TPD52: variants seen among roughly 807,000 people sequenced by gnomAD.
TPD52 encodes the protein prostate and colon associated protein.
TPD52 carries 17 observed loss-of-function variants against 31.3 expected under a neutral mutation model. That is an observed-to-expected ratio of 0.54 (90% CI 0.37 to 0.82). The LOEUF (loss-of-function observed/expected upper bound fraction) is 0.82. Among genes scored for constraint, TPD52 ranks in the 40% least tolerant of loss-of-function variants. The pLI is 0.00. For missense variants in TPD52, 212 were observed against 240.1 expected (o/e 0.88, Z 0.77); for synonymous variants, 83 against 89.6 (o/e 0.93, Z 0.42).
chr8:80,151,103 G>A (rs985959968), intron 1 of TPD52, among the ~76,000 whole-genome samples: 1 of 152,176 alleles, frequency 6.6e-6, no homozygotes, highest in Non-Finnish European at 1.5e-5. Flanking sequence ...TGCTGTTCTT[G>A]TGATGGTGAA....
intron 2 of TPD52, among the ~76,000 whole-genome samples, chr8:80,060,613 A>G (rs1334218709): frequency 6.6e-6 from 1 of 152,216 alleles, no homozygotes; most frequent in Non-Finnish European, 1.5e-5. Context: ...AAAGGATTAT[A>G]AAACATGACC....
At chr8:80,063,384 G>A (rs1021995270) in intron 2 of TPD52, among the ~76,000 whole-genome samples, 1 of 152,218 alleles carries the variant, frequency 6.6e-6, no homozygotes, top group Non-Finnish European at 1.5e-5. Flanking sequence ...GGTATTGCCA[G>A]GGGCTGAAGG....
At chr8:80,072,036 C>T (rs1018925042) in intron 1 of TPD52, among the ~76,000 whole-genome samples, 11 of 152,108 alleles carry the variant, frequency 7.2e-5, no homozygotes, top group African/African-American at 2.2e-4. Flanking sequence ...GTAGGCCGGG[C>T]GCGGTGGCTC....
At chr8:80,068,559 T>C (rs1813418845) in intron 1 of TPD52, among the ~76,000 whole-genome samples, 1 of 152,244 alleles carries the variant, frequency 6.6e-6, no homozygotes, top group African/African-American at 2.4e-5. Flanking sequence ...GTTCTCTTCA[T>C]CTAGCTGTGC....
downstream of TPD52, among the ~76,000 whole-genome samples, chr8:80,031,814 G>A (rs986239910): frequency 6.6e-6 from 1 of 151,858 alleles, no homozygotes; most frequent in Non-Finnish European, 1.5e-5. Flanking sequence ...CTATGTTCCT[G>A]CCACTTCACT....
intron 5 of TPD52, among the ~76,000 whole-genome samples, chr8:80,049,572 T>A (rs1176784042): frequency 6.6e-6 from 1 of 152,134 alleles, no homozygotes; most frequent in Non-Finnish European, 1.5e-5. Context: ...CTACCATGAG[T>A]GATTGCTTAA....
chr8:80,038,982 A>G (rs911144675), intron 7 of TPD52, among the ~76,000 whole-genome samples: 1 of 152,210 alleles, frequency 6.6e-6, no homozygotes, highest in Non-Finnish European at 1.5e-5. Context: ...ATCCTTTTCA[A>G]TGCTAATCTG....
intron 1 of TPD52, among the ~76,000 whole-genome samples, chr8:80,066,643 G>C (rs78428162): frequency 0.024 from 3,710 of 152,240 alleles, 106 homozygotes; most frequent in African/African-American, 0.066. Context: ...GAGGTTGGCA[G>C]GTAGCCCTTA....
intron 1 of TPD52, among the ~76,000 whole-genome samples, chr8:80,065,288 T>C (rs998203832): frequency 7.9e-5 from 9 of 114,444 alleles, no homozygotes; most frequent in African/African-American, 2.6e-4. Context: ...TATCTATATA[T>C]CTATATCTAT....
At chr8:80,032,152 CAAAAA>C (rs150988844), downstream of TPD52, among the ~76,000 whole-genome samples, 10,232 of 56,332 alleles carry the variant, frequency 0.18, 783 homozygotes, top group African/African-American at 0.32. Context: ...GACTCCAGCT[CAAAAA>C]AAAAAAAAAA....
At chr8:80,146,955 T>C (rs1285018777) in intron 1 of TPD52, among the ~76,000 whole-genome samples, 2 of 152,164 alleles carry the variant, frequency 1.3e-5, no homozygotes, top group Non-Finnish European at 2.9e-5. Flanking sequence ...GTGAACTTGC[T>C]AAAAATGCAA....
chr8:80,094,464 A>G (rs1030672087), intron 1 of TPD52, among the ~76,000 whole-genome samples: 9 of 112,658 alleles, frequency 8.0e-5, no homozygotes, highest in African/African-American at 1.9e-4. Flanking sequence ...ATATATATAT[A>G]TATATATATA....
At chr8:80,051,742 A>T (rs1354834648) in intron 3 of TPD52, 114 bp from the exon 4 acceptor site, 1 of 817,356 alleles carries the variant, frequency 1.2e-6, no homozygotes, top group Non-Finnish European at 1.9e-6. Context: ...AAAAGAGAAA[A>T]CATTTTTCAG....
intron 1 of TPD52, among the ~76,000 whole-genome samples, chr8:80,112,416 G>GGCCACTATCTTGCTCTTC (rs1174899175): frequency 1.3e-5 from 2 of 152,086 alleles, no homozygotes; most frequent in African/African-American, 4.8e-5. Flanking sequence ...CTGTGTTCTT[G>GGCCACTATCTTGCTCTTC]GCCACTATCT....
chr8:80,146,614 CT>C (rs1447105458), intron 1 of TPD52, among the ~76,000 whole-genome samples: 1 of 152,154 alleles, frequency 6.6e-6, no homozygotes, highest in Non-Finnish European at 1.5e-5. Context: ...CCATATTACC[CT>C]AGACAAACAT....
chr8:80,102,578 G>A (rs1806820635), intron 1 of TPD52, among the ~76,000 whole-genome samples: 1 of 152,146 alleles, frequency 6.6e-6, no homozygotes, highest in East Asian at 1.9e-4. Context: ...CTCGCAAATA[G>A]AAAAGGCCTT....
chr8:80,045,515 G>A (rs900799051), intron 5 of TPD52, among the ~76,000 whole-genome samples: 2 of 152,188 alleles, frequency 1.3e-5, no homozygotes, highest in Non-Finnish European at 2.9e-5. Context: ...CTAAGCTGCT[G>A]GACACTTAGA....
chr8:80,081,896 T>C (rs1815331181), intron 1 of TPD52, among the ~76,000 whole-genome samples: 1 of 152,166 alleles, frequency 6.6e-6, no homozygotes, highest in Non-Finnish European at 1.5e-5. Context: ...CTCCACCTTC[T>C]GGGTTCAAGT....
downstream of TPD52, among the ~76,000 whole-genome samples, chr8:80,031,112 CGTCT>C (rs1809683122): frequency 6.6e-6 from 1 of 152,138 alleles, no homozygotes; most frequent in African/African-American, 2.4e-5. Flanking sequence ...ATTAGTTGTC[CGTCT>C]ATCTTTGACC....
Sources: allele counts gnomAD v4.1 joint callset (sites outside exome capture counted in the v4.1 genomes callset), GRCh38; gene constraint gnomAD v4.1.1; transcripts MANE v1.5; gene names NCBI Gene and HGNC (gene_info 2026-07-23, HGNC 2026-07-21).